Variants in DPH6 observed in about 807,000 individuals in gnomAD.
DPH6 encodes diphthamine biosynthesis 6.
In DPH6, 33 loss-of-function variants were observed where a neutral mutation model predicts 38.2. The observed-to-expected ratio is 0.86, with a 90% confidence interval of 0.65 to 1.15. The LOEUF (loss-of-function observed/expected upper bound fraction) is 1.15, where lower values mean the gene tolerates loss of function less well. Among genes scored for constraint, DPH6 ranks in the 50% most tolerant of loss-of-function variants. The probability of loss-of-function intolerance (pLI) is 0.00; values close to 1 mark genes in which losing one functional copy is unlikely to be tolerated. For synonymous variants in DPH6, 108 were observed against 103.0 expected, an observed-to-expected ratio of 1.05 and a Z score of -0.30; for missense variants, 325 against 320.0, an observed-to-expected ratio of 1.02 and a Z score of -0.12.
chr15:35,300,481 C>G (rs1308646371), intron 3 of DPH6, among the ~76,000 whole-genome samples: 1 of 152,132 alleles, frequency 6.6e-6, no homozygotes, highest in Non-Finnish European at 1.5e-5. Context: ...CAGGTAGATT[C>G]TGAATCGTTC....
At chr15:35,270,576 A>G (rs1218763193) in intron 3 of DPH6, among the ~76,000 whole-genome samples, 1 of 152,188 alleles carries the variant, frequency 6.6e-6, no homozygotes, top group Non-Finnish European at 1.5e-5. Context: ...GGACTTGGTT[A>G]ATGCATTTGG....
At chr15:35,400,689 T>C in intron 6 of DPH6, 1 of 654,428 alleles carries the variant, frequency 1.5e-6, no homozygotes, top group Non-Finnish European at 2.8e-6. Context: ...CCCCCTGCCA[T>C]CATGTCTAAG....
At chr15:35,326,604 A>T (rs1014287605), downstream of DPH6, among the ~76,000 whole-genome samples, 3 of 151,838 alleles carry the variant, frequency 2.0e-5, no homozygotes, top group Non-Finnish European at 2.9e-5. Context: ...GCTAATTTTT[A>T]AAAAAATTTT....
At chr15:35,248,736 A>G (rs765104456) in intron 3 of DPH6, among the ~76,000 whole-genome samples, 2 of 152,202 alleles carry the variant, frequency 1.3e-5, no homozygotes, top group Non-Finnish European at 2.9e-5. Context: ...CGGAGAGGAC[A>G]GGTATCACCA....
intron 3 of DPH6, among the ~76,000 whole-genome samples, chr15:35,286,751 G>A (rs2051946481): frequency 6.6e-6 from 1 of 152,152 alleles, no homozygotes; most frequent in African/African-American, 2.4e-5. Flanking sequence ...CTGGTGAGAT[G>A]TATACTTATT....
the DPH6 span, among the ~76,000 whole-genome samples, chr15:35,183,639 CAT>C: frequency 6.6e-6 from 1 of 152,190 alleles, no homozygotes; most frequent in Admixed American, 6.5e-5. Context: ...AAACTTCCTT[CAT>C]ATGTCATGTA....
chr15:35,406,936 GA>G (rs1345060120), intron 6 of DPH6, among the ~76,000 whole-genome samples: 1 of 151,974 alleles, frequency 6.6e-6, no homozygotes, highest in Non-Finnish European at 1.5e-5. Flanking sequence ...ATCACCACAG[GA>G]GGAAGGCTAT....
the DPH6 span, among the ~76,000 whole-genome samples, chr15:35,164,976 A>T: frequency 6.6e-6 from 1 of 151,876 alleles, no homozygotes; most frequent in Admixed American, 6.6e-5. Flanking sequence ...TAGAATAATA[A>T]ATTCACTTTT....
downstream of DPH6, chr15:35,365,943 T>G: frequency 1.0e-6 from 1 of 985,280 alleles, no homozygotes; most frequent in Non-Finnish European, 1.2e-6. Flanking sequence ...CCTTGCTCCA[T>G]CTTGACAAAT....
intron 5 of DPH6, among the ~76,000 whole-genome samples, chr15:35,439,606 A>G (rs1282548365): frequency 6.6e-6 from 1 of 152,188 alleles, no homozygotes; most frequent in Non-Finnish European, 1.5e-5. Flanking sequence ...AAAACTGTCT[A>G]TAGTAGATAC....
chr15:35,447,560 ACTTCTC>A (rs796778804), intron 5 of DPH6, among the ~76,000 whole-genome samples: 1,734 of 152,194 alleles, frequency 0.011, 22 homozygotes, highest in African/African-American at 0.04. Flanking sequence ...CCTTGTTAGC[ACTTCTC>A]CTTGGCAGAT....
rs945669933 is a variant in DPH6 at position 35,239,390 on chromosome 15, C to T, written n.201-18808G>A. On this transcript the variant is annotated intron_variant and non_coding_transcript_variant, in intron 3 of 3. Transcript: ENST00000560386. Reference sequence around the variant, plus strand: ...GGACCCCAAACTCCGGCGCCGGTCACGGACTGGGAAGGCAGCCTTCCCTTG... The same window carrying T: ...GGACCCCAAACTCCGGCGCCGGTCATGGACTGGGAAGGCAGCCTTCCCTTG... 3.5e-5 allele frequency among the ~76,000 whole-genome samples: 5 copies of T among 144,094 alleles called. 1 individual carries two copies. Among genetic ancestry groups the T allele is most frequent in the South Asian group, 4.8e-4 (2 of 4,132 alleles). 94.5% of individuals were successfully genotyped at this position (144,094 alleles called of 152,430 possible).
chr15:35,212,248 T>A, the DPH6 span, among the ~76,000 whole-genome samples: 1 of 152,130 alleles, frequency 6.6e-6, no homozygotes, highest in East Asian at 1.9e-4. Flanking sequence ...GGGGATTTAC[T>A]TTCTTGTTAA....
rs961498199 is a variant in DPH6, at chr15:35,495,355, A to G, written c.313-40535T>C. On this transcript the variant is annotated intron_variant, in intron 3 of 8. Coordinates refer to ENST00000256538, the MANE Select transcript of DPH6 (RefSeq NM_080650.4). ...AGAAGAGGGTTATCTACAAGTTAAG[A>G]AGAGAGGCCTCAGAATGAAACCAAT... 2.6e-5 allele frequency among the ~76,000 whole-genome samples: 4 copies of G among 152,312 alleles called. No individual in the cohort carries two copies. The South Asian group carries it at 8.3e-4, about 32-fold the overall frequency.
intron 3 of DPH6, among the ~76,000 whole-genome samples, chr15:35,248,647 T>G (rs2051651564): frequency 6.6e-6 from 1 of 152,240 alleles, no homozygotes; most frequent in Non-Finnish European, 1.5e-5. Flanking sequence ...TCCCATGTCA[T>G]GTAAAACTTT....
At chr15:35,471,594 C>T (rs1264014815) in intron 3 of DPH6, among the ~76,000 whole-genome samples, 3 of 152,186 alleles carry the variant, frequency 2.0e-5, no homozygotes, top group Non-Finnish European at 2.9e-5. Context: ...TGGCTGAACA[C>T]ATTAATTTCT....
the DPH6 span, among the ~76,000 whole-genome samples, chr15:35,152,097 A>T: frequency 6.6e-6 from 1 of 152,176 alleles, no homozygotes; most frequent in Non-Finnish European, 1.5e-5. Flanking sequence ...TGTGTTTTTA[A>T]TCTTTATTTA....
chr15:35,486,187 G>A (rs899720423), intron 3 of DPH6, among the ~76,000 whole-genome samples: 1 of 152,012 alleles, frequency 6.6e-6, no homozygotes, highest in Admixed American at 6.6e-5. Context: ...GGAAATGCCA[G>A]ATGCTTATAA....
rs117095572 is a variant in DPH6, at chr15:35,520,309, C to G, written c.312+17965G>C. On this transcript the variant is annotated intron_variant, in intron 3 of 8. Coordinates refer to ENST00000256538, the MANE Select transcript of DPH6 (RefSeq NM_080650.4). ...CATAATTTTATTACACATAAAAACT[C>G]AAAGTAAAATAGAAAAAGCAAGTTT... is the stretch of plus-strand genomic sequence containing the variant. 4.1e-6 allele frequency: 4 copies of G among 978,720 alleles called. No homozygotes were observed. The East Asian group carries it at 4.6e-4, about 112-fold the overall frequency. The allele number at this position is 978,720 out of a possible 1,614,324, so 60.6% of individuals were successfully genotyped here. A position where few individuals can be genotyped will look rare whatever the true frequency, so the allele number is the denominator to read the frequency against.
Sources: allele counts gnomAD v4.1 joint callset (sites outside exome capture counted in the v4.1 genomes callset), GRCh38; gene constraint gnomAD v4.1.1; transcripts MANE v1.5; gene names NCBI Gene and HGNC (gene_info 2026-07-23, HGNC 2026-07-21).